The following SLC22A14 variants were observed in gnomAD, a reference collection of about 807,000 sequenced individuals.
The protein encoded by SLC22A14 is solute carrier family 22 member 14, also known as organic cation transporter-like 4.
Under a neutral mutation model 53.9 loss-of-function variants are expected in SLC22A14, and 50 were observed. The ratio of observed to expected loss-of-function variants is 0.93; its 90% confidence interval spans 0.74 to 1.17. The LOEUF (loss-of-function observed/expected upper bound fraction) is 1.17, where lower values mean the gene tolerates loss of function less well. Ranked by LOEUF, SLC22A14 falls within the 50% of genes most tolerant of loss-of-function variation. The probability of loss-of-function intolerance (pLI) is 0.00; values close to 1 mark genes in which losing one functional copy is unlikely to be tolerated. For synonymous variants in SLC22A14, 312 were observed against 303.0 expected, an observed-to-expected ratio of 1.03 and a Z score of -0.31; for missense variants, 671 against 734.7, an observed-to-expected ratio of 0.91 and a Z score of 1.00.
At chr3:38,314,323 T>TTG (rs142851901) in intron 8 of SLC22A14, among the ~76,000 whole-genome samples, 19 of 152,332 alleles carry the variant, frequency 1.2e-4, no homozygotes, top group Non-Finnish European at 2.1e-4. Context: ...TGTAGCCCCT[T>TTG]TGACTGGGAA....
intron 5 of SLC22A14, 97 bp from the exon 6 acceptor site, chr3:38,312,902 C>G: frequency 6.7e-7 from 1 of 1,487,770 alleles, no homozygotes. Flanking sequence ...TCACCTCATG[C>G]TGGCACAGGA....
intron 1 of SLC22A14, among the ~76,000 whole-genome samples, chr3:38,297,899 C>A (rs1299135660): frequency 2.0e-5 from 3 of 152,058 alleles, no homozygotes; most frequent in Non-Finnish European, 4.4e-5. Flanking sequence ...ATATTTTCAT[C>A]CTCTAATTTT....
intron 10 of SLC22A14, among the ~76,000 whole-genome samples, chr3:38,317,344 C>A (rs1244577206): frequency 6.6e-6 from 1 of 152,208 alleles, no homozygotes; most frequent in Non-Finnish European, 1.5e-5. Flanking sequence ...GAGGTCAGCA[C>A]TCCCCATCCT....
At chr3:38,283,583 A>G (rs1409338311) in intron 1 of SLC22A14, among the ~76,000 whole-genome samples, 1 of 152,214 alleles carries the variant, frequency 6.6e-6, no homozygotes, top group Non-Finnish European at 1.5e-5. Flanking sequence ...TAATCCCAGC[A>G]CTTTGGGAGG....
Position 38,315,199 on chromosome 3 carries a change from A to G in SLC22A14, c.1379-359A>G, listed in dbSNP as rs191139633. Among the ~76,000 whole-genome samples the G allele has an allele frequency of 4.1e-4, 62 of 152,320 alleles. No homozygotes were observed. The East Asian group carries it at 9.3e-3, about 23-fold the overall frequency. On this transcript the variant is annotated intron_variant, in intron 8 of 10. Coordinates refer to ENST00000448498, the MANE Select transcript of SLC22A14 (RefSeq NM_001320033.2). ...CAGCCCTGAGCAGGGGTCCCAACCCACAGGACACAGGCCTGGCCCTGAGTG... is the reference window on the plus strand; with the variant it reads ...CAGCCCTGAGCAGGGGTCCCAACCCGCAGGACACAGGCCTGGCCCTGAGTG...
At chr3:38,318,031 G>A (rs1704668817) in intron 10 of SLC22A14, among the ~76,000 whole-genome samples, 167 bp from the exon 11 acceptor site, 1 of 152,218 alleles carries the variant, frequency 6.6e-6, no homozygotes, top group South Asian at 2.1e-4. Context: ...GATGGAGCAG[G>A]CCTGATTCTG....
At chr3:38,295,120 G>T (rs1168905044) in intron 1 of SLC22A14, among the ~76,000 whole-genome samples, 1 of 152,090 alleles carries the variant, frequency 6.6e-6, no homozygotes, top group African/African-American at 2.4e-5. Flanking sequence ...TCAATCACCT[G>T]GGAGAAACCA....
At chr3:38,295,349 G>C (rs1452754533) in intron 1 of SLC22A14, among the ~76,000 whole-genome samples, 1 of 152,240 alleles carries the variant, frequency 6.6e-6, no homozygotes, top group African/African-American at 2.4e-5. Context: ...TTCTGAACTG[G>C]TGAGGTGTGC....
At chr3:38,283,663 C>G (rs1453093704) in intron 1 of SLC22A14, among the ~76,000 whole-genome samples, 2 of 152,144 alleles carry the variant, frequency 1.3e-5, no homozygotes, top group Non-Finnish European at 2.9e-5. Flanking sequence ...AACCCCATCT[C>G]TACTAAAAAT....
intron 1 of SLC22A14, among the ~76,000 whole-genome samples, chr3:38,285,564 T>A (rs1022737669): frequency 6.6e-6 from 1 of 152,226 alleles, no homozygotes; most frequent in South Asian, 2.1e-4. Flanking sequence ...TTTCTGAGGC[T>A]TACTTTTTTC....
chr3:38,287,860 C>T (rs1336223170), intron 1 of SLC22A14, among the ~76,000 whole-genome samples: 1 of 148,350 alleles, frequency 6.7e-6, no homozygotes, highest in Non-Finnish European at 1.5e-5. Context: ...TTTCTTTCTT[C>T]ATATATTTCT....
Position 38,306,323 on chromosome 3 carries a change from T to A in SLC22A14, c.297T>A (p.Asn99Lys), listed in dbSNP as rs1231010231. Residue 99 changes from asparagine (N) to lysine (K), a missense_variant, in exon 2 of 11, where the codon AAT becomes AAA. Coordinates refer to ENST00000448498, the MANE Select transcript of SLC22A14 (RefSeq NM_001320033.2). The stretch of plus-strand genomic sequence containing the variant: ...TCACAGCCCAGAAGCCCTATTGCAA[T>A]ACCAGCTGGATCCTGGCAGTGGGCC... ...FVFTAQKPYC[N>K]TSWILAVGPH... 1.2e-6 allele frequency: 2 copies of A among 1,613,928 alleles called. No homozygotes were observed. Among genetic ancestry groups the A allele is most frequent in the Admixed American group, 1.7e-5 (1 of 59,996 alleles).
At position 38,295,590 on chromosome 3, in the gene SLC22A14, A is replaced by G. The variant is rs572737911; in HGVS notation, c.1-10437A>G. Among the ~76,000 whole-genome samples, 4 of 152,312 alleles carry G rather than the reference A, an allele frequency of 2.6e-5. No individual in the cohort carries two copies. The South Asian group carries it at 8.3e-4, about 32-fold the overall frequency. The stretch of plus-strand genomic sequence containing the variant: ...TATAGGGTCACAGAGAAGACCTTCA[A>G]TTATCAATTTTAGGTTTTAAATTTA... On this transcript the variant is annotated intron_variant, in intron 1 of 10. Transcript: ENST00000448498.
At chr3:38,316,827 G>A (rs1251102762) in intron 10 of SLC22A14, among the ~76,000 whole-genome samples, 2 of 152,158 alleles carry the variant, frequency 1.3e-5, no homozygotes, top group Admixed American at 1.3e-4. Flanking sequence ...ACCCTCCAGG[G>A]GCACTCCTCC....
intron 1 of SLC22A14, among the ~76,000 whole-genome samples, chr3:38,285,019 A>C (rs1164066708): frequency 6.6e-6 from 1 of 152,216 alleles, no homozygotes; most frequent in African/African-American, 2.4e-5. Flanking sequence ...ATGTGTACAG[A>C]AAAGTTGTCT....
rs753616709 is a variant in SLC22A14, at chr3:38,309,118, A to C, written c.940A>C (p.Ile314Leu). Reference protein sequence around the residue: ...GILVIPFISYIWILPESPRWL... With the variant: ...GILVIPFISYLWILPESPRWL... The stretch of plus-strand genomic sequence containing the variant: ...ACTTGTGATCCCCTTCATCTCCTAT[A>C]TCTGGTGAGCAAGCGAGTACCGGGC... Residue 314 changes from isoleucine to leucine, a missense_variant, in exon 5 of 11, where the codon ATC (isoleucine) becomes CTC (leucine). Coordinates refer to ENST00000448498, the MANE Select transcript of SLC22A14 (RefSeq NM_001320033.2). 4.2e-5 allele frequency: 68 copies of C among 1,613,650 alleles called. No individual in the cohort carries two copies. Among genetic ancestry groups the C allele is most frequent in the Non-Finnish European group, 5.6e-5 (66 of 1,179,728 alleles).
chr3:38,318,096 C>G lies in SLC22A14; in HGVS notation c.1734-102C>G. ...CTGCCGGAGTGAGAAAGCCTCACCT[C>G]TTGGGAACGCAGGGTTGGGCGCTGC... is the stretch of plus-strand genomic sequence containing the variant. On this transcript the variant is annotated intron_variant, in intron 10 of 10. Coordinates refer to ENST00000448498, the MANE Select transcript of SLC22A14 (RefSeq NM_001320033.2). The G allele has an allele frequency of 2.8e-6, 3 of 1,077,538 alleles. No individual in the cohort carries two copies. The Middle Eastern group carries it at 7.4e-4, about 265-fold the overall frequency. The allele number at this position is 1,077,538 out of a possible 1,614,324, so 66.7% of individuals were successfully genotyped here. A position where few individuals can be genotyped will look rare whatever the true frequency, so the allele number is the denominator to read the frequency against.
rs373296553 is a variant in SLC22A14, at chr3:38,284,250, C to T, written c.-1+1911C>T. ...CTGTCCGCCCTGTCCGATAGTAGAG[C>T]GAGGGGCTCATGGTGGCTTCTGAAA... On this transcript the variant is annotated intron_variant, in intron 1 of 10. Transcript: ENST00000448498. 2.8e-4 allele frequency among the ~76,000 whole-genome samples: 42 copies of T among 152,308 alleles called. No homozygotes were observed. In the East Asian group the frequency reaches 7.3e-3, roughly 27 times the overall value.
Position 38,307,992 on chromosome 3 carries a change from G to C in SLC22A14, c.775+272G>C. ...GGAGATGTCAGAGAATCAGTGCCCT[G>C]ACTGCCCTTCCACCTTCATCCTCCT... is the stretch of plus-strand genomic sequence containing the variant. On this transcript the variant is annotated intron_variant, in intron 4 of 10. Coordinates refer to ENST00000448498, the MANE Select transcript of SLC22A14 (RefSeq NM_001320033.2). This position sits in a 1 kb window ranked among gnomAD's most constrained non-coding sequence, Gnocchi z 4.4. 2.0e-6 allele frequency: 1 copy of C among 506,048 alleles called. No homozygotes were observed. Among genetic ancestry groups the C allele is most frequent in the Non-Finnish European group, 3.6e-6 (1 of 278,840 alleles). 31.3% of individuals were successfully genotyped at this position (506,048 alleles called of 1,614,324 possible).
Sources: allele counts gnomAD v4.1 joint callset (sites outside exome capture counted in the v4.1 genomes callset), GRCh38; gene constraint gnomAD v4.1.1; non-coding constraint Gnocchi (gnomAD v3.1); transcripts MANE v1.5; gene names NCBI Gene and HGNC (gene_info 2026-07-23, HGNC 2026-07-21).